JPH3: variants seen among roughly 807,000 people sequenced by gnomAD.
The protein encoded by JPH3 is junctophilin 3, also known as junctophilin-3.
A neutral mutation model predicts 59.6 loss-of-function variants in JPH3; 11 were observed. The ratio of observed to expected loss-of-function variants is 0.18; its 90% CI spans 0.12 to 0.31. JPH3 has a LOEUF of 0.31. Among genes scored for constraint, JPH3 ranks in the 10% least tolerant of loss-of-function variants. JPH3 has a pLI of 1.00. For missense variants in JPH3, 1,202 were observed against 1,105.7 expected, an observed-to-expected ratio of 1.09 and a Z score of -1.24; for synonymous variants, 673 against 483.6, an observed-to-expected ratio of 1.39 and a Z score of -5.14.
At chr16:87,615,564 A>T (rs1271393939) in intron 1 of JPH3, among the ~76,000 whole-genome samples, 3 of 152,080 alleles carry the variant, frequency 2.0e-5, no homozygotes, top group African/African-American at 7.2e-5. Context: ...TCCAGATGGG[A>T]AGCAGGCTCA....
rs767455291 is a variant in JPH3 at position 87,644,245 on chromosome 16, A to C, written c.383-13A>C. On this transcript the variant is annotated splice_polypyrimidine_tract_variant and intron_variant, in intron 1 of 4. Transcript: ENST00000284262. ...GTCGCTGGGCACTCACCCCTCTCTC[A>C]TTTTCTCCCCAGGGACCTACCAGGG... 6.3e-7 allele frequency: 1 copy of C among 1,590,770 alleles called. No homozygotes were observed. The highest frequency in any genetic ancestry group is 8.6e-7 in the Non-Finnish European group (1 of 1,168,042).
chr16:87,692,409 C>T (rs1352204401), intron 4 of JPH3, among the ~76,000 whole-genome samples: 1 of 152,188 alleles, frequency 6.6e-6, no homozygotes, highest in Non-Finnish European at 1.5e-5. Flanking sequence ...GGGCTGAGTG[C>T]CTTCAGTGCC....
chr16:87,634,198 C>G (rs540068205), intron 1 of JPH3, among the ~76,000 whole-genome samples: 1 of 152,138 alleles, frequency 6.6e-6, no homozygotes, highest in African/African-American at 2.4e-5. Flanking sequence ...CTCACTGTCA[C>G]GTTGGACCTG....
At chr16:87,645,060 C>A (rs777376957) in intron 2 of JPH3, 25 bp downstream of exon 2, 1 of 1,580,884 alleles carries the variant, frequency 6.3e-7, no homozygotes, top group South Asian at 1.1e-5. Context: ...GGGCGGGGGG[C>A]CCTTCTTGGT....
intron 2 of JPH3, chr16:87,653,642 T>G (rs1252902106): frequency 6.6e-6 from 1 of 152,178 alleles, no homozygotes; most frequent in Non-Finnish European, 1.5e-5. Flanking sequence ...TCAGGGGTTA[T>G]GTATATGAAG....
At chr16:87,619,398 A>AC (rs1463834012) in intron 1 of JPH3, among the ~76,000 whole-genome samples, 2 of 151,956 alleles carry the variant, frequency 1.3e-5, no homozygotes, top group African/African-American at 4.8e-5. Flanking sequence ...ACTGTGAGCC[A>AC]CCGGCTCCCC....
At chr16:87,664,789 A>C (rs2150862185) in intron 2 of JPH3, among the ~76,000 whole-genome samples, 1 of 152,120 alleles carries the variant, frequency 6.6e-6, no homozygotes, top group Non-Finnish European at 1.5e-5. Flanking sequence ...ACATGTGGAA[A>C]CATGGAGGCC....
In JPH3 at chr16:87,697,404, C is replaced by A. The variant is rs896250416; in HGVS notation, c.*744C>A. 6.6e-6 allele frequency: 1 copy of A among 152,408 alleles called. No individual in the cohort carries two copies. The highest frequency in any genetic ancestry group is 1.5e-5 in the Non-Finnish European group (1 of 68,168). 9.4% of individuals were successfully genotyped at this position (152,408 alleles called of 1,614,324 possible). On this transcript the variant is annotated 3_prime_UTR_variant, in exon 5 of 5. Coordinates refer to ENST00000284262, the MANE Select transcript of JPH3 (RefSeq NM_020655.4). ...CCATTCGGCTGTTTCCCCCACCAGACCCCAGGGAAGCCGGGGCCCACTCCG... is the reference window on the plus strand; with the variant it reads ...CCATTCGGCTGTTTCCCCCACCAGAACCCAGGGAAGCCGGGGCCCACTCCG...
chr16:87,617,426 T>C (rs1477997114), intron 1 of JPH3, among the ~76,000 whole-genome samples: 1 of 152,038 alleles, frequency 6.6e-6, no homozygotes, highest in Non-Finnish European at 1.5e-5. Flanking sequence ...TGCACAGATG[T>C]CTTCGCTTTC....
At chr16:87,648,584 C>A (rs2032229924) in intron 2 of JPH3, among the ~76,000 whole-genome samples, 1 of 152,166 alleles carries the variant, frequency 6.6e-6, no homozygotes, top group East Asian at 1.9e-4. Context: ...AGTGGGTTTT[C>A]CTGGAAAACG....
intron 1 of JPH3, among the ~76,000 whole-genome samples, chr16:87,621,718 CG>C (rs1403600432): frequency 6.6e-6 from 1 of 152,098 alleles, no homozygotes; most frequent in African/African-American, 2.4e-5. Context: ...CCAGGAACCA[CG>C]GGGCAAGAGG....
chr16:87,668,627 G>C (rs192041317), intron 2 of JPH3, among the ~76,000 whole-genome samples: 2 of 152,312 alleles, frequency 1.3e-5, no homozygotes, highest in African/African-American at 4.8e-5. Context: ...GGCACGGGTG[G>C]AGCTTGCTGA....
At chr16:87,696,250 G>C in intron 4 of JPH3, 1 of 454,970 alleles carries the variant, frequency 2.2e-6, no homozygotes, top group Non-Finnish European at 4.1e-6. Flanking sequence ...GCACCGAGAC[G>C]TTTGCTTGCA....
In JPH3 at chr16:87,608,959, C is replaced by T. The variant is rs530260014; in HGVS notation, c.382+5431C>T. 1.4e-3 allele frequency among the ~76,000 whole-genome samples: 216 copies of T among 152,342 alleles called. 1 individual carries two copies. Among genetic ancestry groups the T allele is most frequent in the African/African-American group, 5.1e-3 (213 of 41,584 alleles). The stretch of plus-strand genomic sequence containing the variant: ...GGCTGAGGTGAGAGGATCGCTTGAG[C>T]CCCGGAGGTCAAGGCTGCAGTGAGC... On this transcript the variant is annotated intron_variant, in intron 1 of 4. Coordinates refer to ENST00000284262, the MANE Select transcript of JPH3 (RefSeq NM_020655.4).
chr16:87,687,393 C>T (rs1397713627), intron 3 of JPH3, among the ~76,000 whole-genome samples: 1 of 152,216 alleles, frequency 6.6e-6, no homozygotes. Context: ...GCTTCGGCTG[C>T]AGAGAGTGGC....
chr16:87,653,117 C>G (rs1367132113), intron 2 of JPH3, among the ~76,000 whole-genome samples: 1 of 152,210 alleles, frequency 6.6e-6, no homozygotes, highest in African/African-American at 2.4e-5. Context: ...AGTCCTGTTC[C>G]TCCTCTCACA....
At chr16:87,642,964 G>A (rs771172810) in intron 1 of JPH3, among the ~76,000 whole-genome samples, 9 of 152,166 alleles carry the variant, frequency 5.9e-5, no homozygotes, top group Non-Finnish European at 1.3e-4. Context: ...TTACCTTCAC[G>A]GTGTTAGGTA....
chr16:87,686,449 C>T (rs142938817), intron 3 of JPH3, among the ~76,000 whole-genome samples: 1 of 129,956 alleles, frequency 7.7e-6, no homozygotes, highest in African/African-American at 3.1e-5. Context: ...AGAGGAGATG[C>T]TTCCCAGAGG....
chr16:87,667,804 TTTTG>T (rs1459828054), intron 2 of JPH3, among the ~76,000 whole-genome samples: 15 of 152,280 alleles, frequency 9.9e-5, no homozygotes, highest in African/African-American at 3.6e-4. Flanking sequence ...CTCTGTCTGT[TTTTG>T]TTTGTTTTGT....
Sources: gnomAD v4.1 joint callset for allele counts (sites outside exome capture counted in the v4.1 genomes callset) on GRCh38, gnomAD v4.1.1 for gene constraint, MANE v1.5 for transcripts, NCBI Gene and HGNC (gene_info 2026-07-23, HGNC 2026-07-21) for gene names.